ZSWIM6: variants seen among roughly 807,000 people sequenced by gnomAD.
ZSWIM6 encodes the protein zinc finger SWIM domain-containing protein 6.
Under a neutral mutation model 113.2 loss-of-function variants are expected in ZSWIM6, and 9 were observed. That is an observed-to-expected ratio of 0.08 (90% CI 0.05 to 0.14). The LOEUF is 0.14. Ranked by LOEUF, ZSWIM6 falls within the 10% of genes least tolerant of loss-of-function variation. The pLI, the probability that ZSWIM6 is intolerant of heterozygous loss-of-function variation, is 1.00. For missense variants in ZSWIM6, 1,162 were observed against 1,552.2 expected (o/e 0.75, Z 4.22); for synonymous variants, 611 against 606.5 (o/e 1.01, Z -0.11).
intron 1 of ZSWIM6, among the ~76,000 whole-genome samples, chr5:61,366,288 A>G (rs1159549013): frequency 1.3e-5 from 2 of 152,154 alleles, no homozygotes; most frequent in Non-Finnish European, 2.9e-5. Flanking sequence ...ACCAACCTGT[A>G]CCCACTTTGC....
chr5:61,396,891 A>C lies in ZSWIM6; in HGVS notation c.676+63943A>C, dbSNP rs79931464. On this transcript the variant is annotated intron_variant, in intron 1 of 13. Coordinates refer to ENST00000252744, the MANE Select transcript of ZSWIM6 (RefSeq NM_020928.2). The stretch of plus-strand genomic sequence containing the variant: ...CAAATATTCCTTATTAAATTGTTGA[A>C]GTGGACATAGTTATTCTCTTAGGAG... Among the ~76,000 whole-genome samples, 352 of 152,278 alleles carry C rather than the reference A, an allele frequency of 2.3e-3. 10 individuals are homozygous for C. In the East Asian group the frequency reaches 0.058, roughly 25 times the overall value.
chr5:61,384,134 G>A (rs1236507916), intron 1 of ZSWIM6, among the ~76,000 whole-genome samples: 3 of 150,612 alleles, frequency 2.0e-5, no homozygotes, highest in Admixed American at 6.6e-5. Context: ...CCAGCTACTC[G>A]GGAGGCTGAG....
At chr5:61,490,617 G>A (rs1004932390) in intron 2 of ZSWIM6, among the ~76,000 whole-genome samples, 169 bp from the exon 3 acceptor site, 11 of 152,052 alleles carry the variant, frequency 7.2e-5, no homozygotes, top group Non-Finnish European at 1.3e-4. Flanking sequence ...GCACAAATCA[G>A]GAAAGTTCTG....
At position 61,525,891 on chromosome 5, in the gene ZSWIM6, C is replaced by T; in HGVS notation, c.1605C>T (p.Ile535=). The change falls in exon 6 of 14, where the codon ATC becomes ATT. Residue 535 remains isoleucine (I), a synonymous_variant. Coordinates refer to ENST00000252744, the MANE Select transcript of ZSWIM6 (RefSeq NM_020928.2). ...AGGATAGCCACTTGCAGCACATTATCAGCAGTGACCTATACACCAACTACT... is the reference window on the plus strand; with the variant it reads ...AGGATAGCCACTTGCAGCACATTATTAGCAGTGACCTATACACCAACTACT... ...HWQDSHLQHI[I]SSDLYTNYCY... 1 of 1,552,092 alleles carries T rather than the reference C, an allele frequency of 6.4e-7. No individual in the cohort carries two copies. The highest frequency in any genetic ancestry group is 8.7e-7 in the Non-Finnish European group (1 of 1,147,054).
chr5:61,339,164 A>G (rs532989070), intron 1 of ZSWIM6, among the ~76,000 whole-genome samples: 2 of 152,324 alleles, frequency 1.3e-5, no homozygotes, highest in East Asian at 3.9e-4. Context: ...TAGGAATGAC[A>G]TGTTTTGTTT....
intron 1 of ZSWIM6, among the ~76,000 whole-genome samples, chr5:61,348,133 A>G (rs1379277758): frequency 1.3e-5 from 2 of 152,198 alleles, no homozygotes; most frequent in African/African-American, 4.8e-5. Context: ...AGGCAGGAAA[A>G]TGGCGTCAAC....
rs750390189 is a variant in ZSWIM6 at position 61,379,466 on chromosome 5, C to T, written c.676+46518C>T. Among the ~76,000 whole-genome samples the T allele has an allele frequency of 5.9e-5, 9 of 152,094 alleles. No homozygotes were observed. The South Asian group carries it at 6.2e-4, about 11-fold the overall frequency. The stretch of plus-strand genomic sequence containing the variant: ...AAAATTGTAGGGATTTACTTGTGGT[C>T]GAGTAATCCATTGCCTTTTATAGTT... On this transcript the variant is annotated intron_variant, in intron 1 of 13. Transcript: ENST00000252744.
chr5:61,434,618 A>G (rs952812368), intron 1 of ZSWIM6, among the ~76,000 whole-genome samples: 1 of 152,100 alleles, frequency 6.6e-6, no homozygotes. Flanking sequence ...AAATACCATT[A>G]TTTCGTTTCT....
At chr5:61,476,600 A>G (rs1747711989) in intron 2 of ZSWIM6, among the ~76,000 whole-genome samples, 1 of 152,212 alleles carries the variant, frequency 6.6e-6, no homozygotes, top group South Asian at 2.1e-4. Context: ...TTTTTAAAGC[A>G]AAATTGTTTG....
At chr5:61,535,386 ATATGT>A (rs1749547481) in intron 9 of ZSWIM6, 93 bp from the exon 10 acceptor site, 3 of 1,344,702 alleles carry the variant, frequency 2.2e-6, no homozygotes, top group Non-Finnish European at 3.1e-6. Context: ...TCTTATTTGT[ATATGT>A]TATAACTTTA....
In ZSWIM6 at chr5:61,332,707, C is replaced by T. The variant is rs1283376045; in HGVS notation, c.435C>T (p.Gly145=). The T allele has an allele frequency of 1.2e-5, 12 of 970,766 alleles. No individual in the cohort carries two copies. The highest frequency in any genetic ancestry group is 1.5e-5 in the Non-Finnish European group (12 of 822,552). 60.1% of individuals were successfully genotyped at this position (970,766 alleles called of 1,614,324 possible). A position where few individuals can be genotyped will look rare whatever the true frequency, so the allele number is the denominator to read the frequency against. The stretch of plus-strand genomic sequence containing the variant: ...CCGGCGACGACAGCGGTGGCGGCGG[C>T]GGCGCGGGCGGCGGCGGCGGCGGCG... ...GGPGDDSGGG[G]GAGGGGGGGS... The change falls in exon 1 of 14, where the codon GGC becomes GGT. Residue 145 remains glycine, a synonymous_variant. Coordinates refer to ENST00000252744, the MANE Select transcript of ZSWIM6 (RefSeq NM_020928.2).
chr5:61,401,540 A>G (rs1453005787), intron 1 of ZSWIM6, among the ~76,000 whole-genome samples: 1 of 152,172 alleles, frequency 6.6e-6, no homozygotes, highest in Non-Finnish European at 1.5e-5. Flanking sequence ...ATTATGAGGT[A>G]TATGAGATAG....
chr5:61,507,758 T>C (rs1323931690), intron 4 of ZSWIM6, among the ~76,000 whole-genome samples: 1 of 152,174 alleles, frequency 6.6e-6, no homozygotes, highest in Non-Finnish European at 1.5e-5. Context: ...GTGGTTAAAG[T>C]ACAGAATTTA....
intron 1 of ZSWIM6, among the ~76,000 whole-genome samples, chr5:61,435,034 C>T (rs980373634): frequency 6.6e-6 from 1 of 151,980 alleles, no homozygotes; most frequent in South Asian, 2.1e-4. Context: ...TACTGGAAAC[C>T]GAGAGATATA....
chr5:61,465,635 A>G (rs757858049), intron 1 of ZSWIM6, among the ~76,000 whole-genome samples: 34 of 152,176 alleles, frequency 2.2e-4, no homozygotes, highest in Non-Finnish European at 4.4e-4. Flanking sequence ...AAAACAACCA[A>G]TACTGAGCAG....
rs1244079793 is a variant in ZSWIM6 at position 61,508,999 on chromosome 5, A to G, written c.1334-12264A>G. On this transcript the variant is annotated intron_variant, in intron 4 of 13. Transcript: ENST00000252744. Reference sequence around the variant, plus strand: ...GTTTTTATTAACAAGAACAGTGGTTATAAGTCTAACAACACTTCATGCCTT... The same window carrying G: ...GTTTTTATTAACAAGAACAGTGGTTGTAAGTCTAACAACACTTCATGCCTT... Among the ~76,000 whole-genome samples, 3 of 152,312 alleles carry G rather than the reference A, an allele frequency of 2.0e-5. No homozygotes were observed. In the East Asian group the frequency reaches 5.8e-4, roughly 29 times the overall value.
intron 1 of ZSWIM6, among the ~76,000 whole-genome samples, chr5:61,376,095 A>G (rs1349493094): frequency 3.7e-5 from 3 of 81,720 alleles, no homozygotes; most frequent in Admixed American, 1.5e-4. Flanking sequence ...AATACACTGC[A>G]GTCGTACTAG....
chr5:61,469,014 G>A (rs749459346), intron 1 of ZSWIM6, among the ~76,000 whole-genome samples: 2 of 151,630 alleles, frequency 1.3e-5, no homozygotes, highest in Non-Finnish European at 2.9e-5. Flanking sequence ...GCCCCCGCCC[G>A]CCAAACAAAA....
intron 1 of ZSWIM6, among the ~76,000 whole-genome samples, chr5:61,467,509 A>G (rs1263573784): frequency 6.6e-6 from 1 of 152,236 alleles, no homozygotes; most frequent in Non-Finnish European, 1.5e-5. Context: ...AGAAGATTTT[A>G]AAGGGTTAAT....
Sources: gnomAD v4.1 joint callset for allele counts (sites outside exome capture counted in the v4.1 genomes callset) on GRCh38, gnomAD v4.1.1 for gene constraint, MANE v1.5 for transcripts, NCBI Gene and HGNC (gene_info 2026-07-23, HGNC 2026-07-21) for gene names.